DIP2C: variants seen among roughly 807,000 people sequenced by gnomAD.
DIP2C encodes disco-interacting protein 2 homolog C.
In DIP2C, 33 loss-of-function variants were observed where a neutral mutation model predicts 192.4. The ratio of observed to expected loss-of-function variants is 0.17; its 90% CI spans 0.13 to 0.23. The LOEUF is 0.23. Ranked by LOEUF, DIP2C falls within the 10% of genes least tolerant of loss-of-function variation. The probability of loss-of-function intolerance (pLI) is 1.00; values close to 1 mark genes in which losing one functional copy is unlikely to be tolerated. For synonymous variants in DIP2C, 979 were observed against 864.1 expected, an observed-to-expected ratio of 1.13 and a Z score of -2.33; for missense variants, 1,537 against 2,110.1, an observed-to-expected ratio of 0.73 and a Z score of 5.32.
intron 32 of DIP2C, among the ~76,000 whole-genome samples, chr10:302,446 C>T (rs183146953): frequency 6.6e-6 from 1 of 152,060 alleles, no homozygotes; most frequent in East Asian, 1.9e-4. Context: ...ACCCAAGGGA[C>T]GGGGGAGTGA....
intron 9 of DIP2C, among the ~76,000 whole-genome samples, chr10:401,141 A>G (rs1964404425): frequency 6.7e-6 from 1 of 149,324 alleles, no homozygotes; most frequent in Admixed American, 6.6e-5. Context: ...CCTTATGGAC[A>G]AGTTTGGTAT....
chr10:278,407 G>T (rs2132117658), intron 36 of DIP2C, among the ~76,000 whole-genome samples: 1 of 152,342 alleles, frequency 6.6e-6, no homozygotes, highest in Non-Finnish European at 1.5e-5. Context: ...AGGAGGGCTG[G>T]ATATGGGGGC....
chr10:466,851 T>C (rs1161548225), intron 3 of DIP2C, among the ~76,000 whole-genome samples: 1 of 135,952 alleles, frequency 7.4e-6, no homozygotes, highest in Non-Finnish European at 1.6e-5. Context: ...GCACACCAGT[T>C]AGAATGGCAA....
At chr10:458,333 T>C (rs970653588) in intron 3 of DIP2C, among the ~76,000 whole-genome samples, 7 of 152,222 alleles carry the variant, frequency 4.6e-5, no homozygotes, top group Non-Finnish European at 7.3e-5. Flanking sequence ...TCAAAATCAG[T>C]AAATCCAGAC....
intron 1 of DIP2C, among the ~76,000 whole-genome samples, chr10:523,904 C>T (rs1233628150): frequency 9.9e-5 from 15 of 152,214 alleles, no homozygotes; most frequent in African/African-American, 3.6e-4. Context: ...CCTAAAAATT[C>T]GCAGCCCAGG....
At chr10:331,118 C>CGTAG (rs1229516350) in intron 29 of DIP2C, among the ~76,000 whole-genome samples, 1 of 151,938 alleles carries the variant, frequency 6.6e-6, no homozygotes, top group African/African-American at 2.4e-5. Flanking sequence ...AAGAGGCCTA[C>CGTAG]GCAAAATTTT....
intron 24 of DIP2C, among the ~76,000 whole-genome samples, chr10:352,018 C>T (rs1343840342): frequency 6.6e-6 from 1 of 152,228 alleles, no homozygotes; most frequent in Non-Finnish European, 1.5e-5. Flanking sequence ...ATCAGCTCAG[C>T]CCCCGCCCCG....
At chr10:683,524 A>G (rs1029905799) in intron 1 of DIP2C, among the ~76,000 whole-genome samples, 2 of 152,214 alleles carry the variant, frequency 1.3e-5, no homozygotes, top group Admixed American at 1.3e-4. Flanking sequence ...CCCACAAGAT[A>G]GAGTGGTCAG....
chr10:504,382 G>C (rs972288571), intron 1 of DIP2C, among the ~76,000 whole-genome samples: 5 of 152,156 alleles, frequency 3.3e-5, no homozygotes, highest in African/African-American at 1.2e-4. Context: ...TGCTACCATG[G>C]AACTATTCCA....
chr10:414,739 G>GTGTGTGTGTGTGTATATATA lies in DIP2C; in HGVS notation c.860-630_860-629insTATATATACACACACACACA. Among the ~76,000 whole-genome samples, 28 of 90,534 alleles carry GTGTGTGTGTGTGTATATATA rather than the reference G, an allele frequency of 3.1e-4. 2 individuals carry two copies. Among genetic ancestry groups the GTGTGTGTGTGTGTATATATA allele is most frequent in the Admixed American group, 8.2e-4 (7 of 8,526 alleles). The allele number at this position is 90,534 out of a possible 152,430, so 59.4% of individuals were successfully genotyped here. A position where few individuals can be genotyped will look rare whatever the true frequency, so the allele number is the denominator to read the frequency against. On this transcript the variant is annotated intron_variant, in intron 7 of 36. Transcript: ENST00000280886. ...TGTGTGTGTGTGTGTGTGTGTGTGT[G>GTGTGTGTGTGTGTATATATA]TACATATATATATATATAATGTGTA...
chr10:604,139 C>T (rs570656477), intron 1 of DIP2C, among the ~76,000 whole-genome samples: 1 of 151,868 alleles, frequency 6.6e-6, no homozygotes, highest in Non-Finnish European at 1.5e-5. Flanking sequence ...GACACTGGAC[C>T]CACCTGGACA....
chr10:475,098 C>A (rs1970955556), intron 2 of DIP2C, among the ~76,000 whole-genome samples: 1 of 152,180 alleles, frequency 6.6e-6, no homozygotes, highest in African/African-American at 2.4e-5. Context: ...TAACCTGGAG[C>A]CTCTGTTGTC....
chr10:452,249 C>A (rs1405600518), intron 3 of DIP2C, among the ~76,000 whole-genome samples: 1 of 152,168 alleles, frequency 6.6e-6, no homozygotes, highest in Non-Finnish European at 1.5e-5. Context: ...TTCAAAACAT[C>A]CATAAACAGC....
chr10:360,412 C>A (rs1272011271), intron 22 of DIP2C, among the ~76,000 whole-genome samples: 3 of 152,250 alleles, frequency 2.0e-5, no homozygotes, highest in Non-Finnish European at 4.4e-5. Flanking sequence ...AGGCTCATGT[C>A]TCTTTTCTCT....
At chr10:377,312 G>A (rs1038911385) in intron 17 of DIP2C, among the ~76,000 whole-genome samples, 1 of 152,222 alleles carries the variant, frequency 6.6e-6, no homozygotes, top group African/African-American at 2.4e-5. Flanking sequence ...ACCCCGTGGG[G>A]AGGCCCCTCC....
intron 29 of DIP2C, among the ~76,000 whole-genome samples, chr10:337,954 T>TCGTGTGTGTGTGTG (rs201726288): frequency 7.8e-6 from 1 of 128,722 alleles, no homozygotes; most frequent in Non-Finnish European, 1.6e-5. Flanking sequence ...GCCTAGACAG[T>TCGTGTGTGTGTGTG]CGTGTGTGTG....
At chr10:320,733 A>G (rs1377942228) in intron 31 of DIP2C, among the ~76,000 whole-genome samples, 1 of 152,218 alleles carries the variant, frequency 6.6e-6, no homozygotes, top group East Asian at 1.9e-4. Flanking sequence ...AGCCTAGGCA[A>G]CATAGTGAGA....
At chr10:461,454 G>T (rs1969766529) in intron 3 of DIP2C, among the ~76,000 whole-genome samples, 1 of 152,168 alleles carries the variant, frequency 6.6e-6, no homozygotes, top group Admixed American at 6.5e-5. Flanking sequence ...ATTACACAAT[G>T]GCAAAGGGAT....
intron 1 of DIP2C, chr10:669,117 C>G (rs898892950): frequency 1.3e-5 from 2 of 152,114 alleles, no homozygotes; most frequent in Admixed American, 1.3e-4. Context: ...CAGCCAGAAT[C>G]CAAGGAAAAA....
Sources: allele counts gnomAD v4.1 joint callset (sites outside exome capture counted in the v4.1 genomes callset), GRCh38; gene constraint gnomAD v4.1.1; transcripts MANE v1.5; gene names NCBI Gene and HGNC (gene_info 2026-07-23, HGNC 2026-07-21).